MDGA2: variants seen among roughly 807,000 people sequenced by gnomAD.
The protein encoded by MDGA2 is MAM domain-containing glycosylphosphatidylinositol anchor protein 2.
In MDGA2, 40 loss-of-function variants were observed where a neutral mutation model predicts 117.8. The ratio of observed to expected loss-of-function variants is 0.34; its 90% CI spans 0.26 to 0.44. The LOEUF is 0.44. Ranked by LOEUF, MDGA2 falls within the 20% of genes least tolerant of loss-of-function variation. The pLI is 1.00. For synonymous variants in MDGA2, 452 were observed against 439.0 expected (o/e 1.03, Z -0.37); for missense variants, 1,123 against 1,250.6 (o/e 0.90, Z 1.54).
At chr14:47,450,389 C>T (rs1018592891) in intron 1 of MDGA2, among the ~76,000 whole-genome samples, 9 of 151,988 alleles carry the variant, frequency 5.9e-5, no homozygotes, top group African/African-American at 1.7e-4. Context: ...AAATGAGCAT[C>T]ATCTATTTCC....
Position 47,612,209 on chromosome 14 carries a change from C to CAAATAGATAGATAGAT in MDGA2, c.280+62307_280+62308insATCTATCTATCTATTT, listed in dbSNP as rs139076469. On this transcript the variant is annotated intron_variant, in intron 1 of 16. Coordinates refer to ENST00000399232, the MANE Select transcript of MDGA2 (RefSeq NM_001113498.3). Reference sequence around the variant, plus strand: ...CAAATGTGATAGATAGATAGATAGACAGATAGATAGATAGATAGATAGATA... The same window carrying CAAATAGATAGATAGAT: ...CAAATGTGATAGATAGATAGATAGACAAATAGATAGATAGATAGATAGATAGATAGATAGATAGATA... Among the ~76,000 whole-genome samples the CAAATAGATAGATAGAT allele has an allele frequency of 6.2e-5, 9 of 145,812 alleles. No homozygotes were observed. In the East Asian group the frequency reaches 6.2e-4, roughly 10 times the overall value.
chr14:46,868,510 T>C (rs1006585107), intron 14 of MDGA2, among the ~76,000 whole-genome samples: 1 of 151,860 alleles, frequency 6.6e-6, no homozygotes, highest in Non-Finnish European at 1.5e-5. Context: ...TGGAACAGAC[T>C]ATGAAGCTAC....
At chr14:47,172,189 T>A (rs1884179494) in intron 3 of MDGA2, among the ~76,000 whole-genome samples, 1 of 152,154 alleles carries the variant, frequency 6.6e-6, no homozygotes, top group Non-Finnish European at 1.5e-5. Flanking sequence ...GAGGCCTGCC[T>A]GCCTCTGTAG....
chr14:46,854,132 C>A (rs1018172156), intron 15 of MDGA2, among the ~76,000 whole-genome samples: 1 of 151,436 alleles, frequency 6.6e-6, no homozygotes, highest in Non-Finnish European at 1.5e-5. Flanking sequence ...AAGGTCATTC[C>A]ACCAATTAAA....
intron 1 of MDGA2, among the ~76,000 whole-genome samples, chr14:47,312,678 T>G (rs536905275): frequency 4.8e-4 from 54 of 112,590 alleles, no homozygotes; most frequent in African/African-American, 8.3e-4. Flanking sequence ...TAGTTTTTAG[T>G]TTTTTTTTTG....
In MDGA2 at chr14:47,449,921, T is replaced by C. The variant is rs533990575; in HGVS notation, c.281-148371A>G. ...CCTAAACAGACTCCATAAATTCAAA[T>C]TGTTTCATTTTTTTTGCAGTCATCA... On this transcript the variant is annotated intron_variant, in intron 1 of 16. Coordinates refer to ENST00000399232, the MANE Select transcript of MDGA2 (RefSeq NM_001113498.3). Among the ~76,000 whole-genome samples, 4 of 152,212 alleles carry C rather than the reference T, an allele frequency of 2.6e-5. No individual in the cohort carries two copies. In the South Asian group the frequency reaches 8.3e-4, roughly 32 times the overall value.
chr14:47,294,589 A>T (rs908016083), intron 2 of MDGA2, among the ~76,000 whole-genome samples: 1 of 152,114 alleles, frequency 6.6e-6, no homozygotes, highest in Non-Finnish European at 1.5e-5. Context: ...TTTATAAAAC[A>T]CAAAAAAGAA....
chr14:47,322,374 G>T lies in MDGA2; in HGVS notation c.281-20824C>A, dbSNP rs144039526. On this transcript the variant is annotated intron_variant, in intron 1 of 16. Coordinates refer to ENST00000399232, the MANE Select transcript of MDGA2 (RefSeq NM_001113498.3). ...AGGTTATCCTCTGACAACAGTCTTG[G>T]GAAGTAATTTTGTGCTATATTTCAT... is the stretch of plus-strand genomic sequence containing the variant. Among the ~76,000 whole-genome samples the T allele has an allele frequency of 3.7e-3, 563 of 152,154 alleles. 5 individuals are homozygous for T. Among genetic ancestry groups the T allele is most frequent in the African/African-American group, 0.013 (536 of 41,512 alleles).
chr14:47,384,382 G>C (rs1402052966), intron 1 of MDGA2, among the ~76,000 whole-genome samples: 1 of 151,372 alleles, frequency 6.6e-6, no homozygotes, highest in Non-Finnish European at 1.5e-5. Context: ...TAATCTTAAA[G>C]TCTAGAACAA....
intron 9 of MDGA2, among the ~76,000 whole-genome samples, chr14:46,951,469 G>A (rs939423259): frequency 1.3e-5 from 2 of 151,958 alleles, no homozygotes; most frequent in East Asian, 1.9e-4. Flanking sequence ...TTCTGTGATC[G>A]TATTATGTAC....
At chr14:47,556,926 T>G (rs190227880) in intron 1 of MDGA2, among the ~76,000 whole-genome samples, 7 of 152,284 alleles carry the variant, frequency 4.6e-5, no homozygotes, top group Admixed American at 1.3e-4. Flanking sequence ...AATCGAGGAT[T>G]TCTCCCCAGT....
intron 1 of MDGA2, among the ~76,000 whole-genome samples, chr14:47,368,821 G>A (rs1449904959): frequency 6.6e-6 from 1 of 152,058 alleles, no homozygotes; most frequent in Non-Finnish European, 1.5e-5. Flanking sequence ...TTGGAGAAAA[G>A]TCATGTTAAC....
At position 47,269,210 on chromosome 14, in the gene MDGA2, T is replaced by G. The variant is rs189117254; in HGVS notation, c.420+32201A>C. 6.4e-3 allele frequency among the ~76,000 whole-genome samples: 969 copies of G among 152,316 alleles called. 8 individuals are homozygous for G. The highest frequency in any genetic ancestry group is 0.011 in the Non-Finnish European group (765 of 68,034). ...TTCATGGGCCCTTCCCTAAGCATTT[T>G]TTTTTGGTGAAGCTATGTCATATAT... On this transcript the variant is annotated intron_variant, in intron 2 of 16. Transcript: ENST00000399232.
At chr14:47,269,994 T>G (rs188700763) in intron 2 of MDGA2, among the ~76,000 whole-genome samples, 1 of 152,124 alleles carries the variant, frequency 6.6e-6, no homozygotes, top group Non-Finnish European at 1.5e-5. Context: ...ACTGCCACAG[T>G]TGGAAAAGTG....
intron 1 of MDGA2, among the ~76,000 whole-genome samples, chr14:47,449,428 GT>G (rs1293065024): frequency 6.6e-6 from 1 of 152,002 alleles, no homozygotes; most frequent in Non-Finnish European, 1.5e-5. Context: ...GCCTATTATA[GT>G]CTTTTCATAA....
At chr14:47,042,434 CTGAT>C (rs1566589219) in intron 7 of MDGA2, among the ~76,000 whole-genome samples, 1 of 150,382 alleles carries the variant, frequency 6.6e-6, no homozygotes, top group Non-Finnish European at 1.5e-5. Flanking sequence ...CTTTGGTGAT[CTGAT>C]TGAGACTCCA....
chr14:47,255,670 A>T (rs903716794), intron 2 of MDGA2, among the ~76,000 whole-genome samples: 1 of 152,108 alleles, frequency 6.6e-6, no homozygotes, highest in African/African-American at 2.4e-5. Context: ...TTGTTACTTA[A>T]AAATGATAAT....
intron 9 of MDGA2, among the ~76,000 whole-genome samples, chr14:46,944,588 A>G (rs1349982499): frequency 6.6e-6 from 1 of 151,842 alleles, no homozygotes; most frequent in Non-Finnish European, 1.5e-5. Context: ...CAACTATTTT[A>G]TATTGTGCCC....
intron 1 of MDGA2, among the ~76,000 whole-genome samples, chr14:47,470,573 C>A (rs1387153030): frequency 6.6e-6 from 1 of 152,104 alleles, no homozygotes; most frequent in Non-Finnish European, 1.5e-5. Flanking sequence ...CCACAATAAA[C>A]ATATGTGTGC....
Sources: gnomAD v4.1 joint callset for allele counts (sites outside exome capture counted in the v4.1 genomes callset) on GRCh38, gnomAD v4.1.1 for gene constraint, MANE v1.5 for transcripts, NCBI Gene and HGNC (gene_info 2026-07-23, HGNC 2026-07-21) for gene names.